Variants in CLCN7 observed in about 807,000 individuals in gnomAD.
CLCN7 encodes Cl-/H+ antiporter 7, also known as H(+)/Cl(-) exchange transporter 7.
Under a neutral mutation model 102.1 loss-of-function variants are expected in CLCN7, and 60 were observed. That is an observed-to-expected ratio of 0.59 (90% confidence interval 0.48 to 0.73). The LOEUF (loss-of-function observed/expected upper bound fraction) is 0.73, where lower values mean the gene tolerates loss of function less well. Among genes scored for constraint, CLCN7 ranks in the 30% least tolerant of loss-of-function variants. The pLI is 0.00. For synonymous variants in CLCN7, 560 were observed against 490.5 expected, an observed-to-expected ratio of 1.14 and a Z score of -1.87; for missense variants, 962 against 1,125.7, an observed-to-expected ratio of 0.85 and a Z score of 2.08.
intron 1 of CLCN7, chr16:1,466,698 A>C (rs1290683858): frequency 6.6e-6 from 1 of 152,158 alleles, no homozygotes; most frequent in Non-Finnish European, 1.5e-5. Context: ...CATGCCTGTA[A>C]TCCCAGCACT....
In CLCN7 at chr16:1,474,916, G is replaced by A; in HGVS notation, c.59C>T (p.Ala20Val). The A allele has an allele frequency of 6.8e-7, 1 of 1,470,888 alleles. No individual in the cohort carries two copies. The highest frequency in any genetic ancestry group is 1.3e-5 in the South Asian group (1 of 77,600). 91.1% of individuals were successfully genotyped at this position (1,470,888 alleles called of 1,614,324 possible). A position where few individuals can be genotyped will look rare whatever the true frequency, so the allele number is the denominator to read the frequency against. Residue 20 changes from alanine (A) to valine (V), a missense_variant, in exon 1 of 25, where the codon GCG becomes GTG. By Grantham distance (64) the Ala-to-Val change is moderately conservative. Coordinates refer to ENST00000382745, the MANE Select transcript of CLCN7 (RefSeq NM_001287.6). ...CGCCGTCCTCCGCAGCAGCGGCGCC[G>A]CCTCCTCGTCGTCCCGGTCCCGGCC... ...WSGRDRDDEE[A>V]APLLRRTARP...
intron 9 of CLCN7, among the ~76,000 whole-genome samples, chr16:1,456,707 G>A (rs1380016087): frequency 6.6e-6 from 1 of 152,096 alleles, no homozygotes; most frequent in Non-Finnish European, 1.5e-5. Context: ...CAGGCGTGGT[G>A]GCGGGCACCT....
intron 9 of CLCN7, 65 bp from the exon 10 acceptor site, chr16:1,456,271 G>GA: frequency 8.2e-7 from 1 of 1,217,708 alleles, no homozygotes; most frequent in Non-Finnish European, 1.2e-6. Flanking sequence ...GAAAGGGAGA[G>GA]CAACTGCCAG....
intron 1 of CLCN7, among the ~76,000 whole-genome samples, chr16:1,470,215 T>G (rs941235318): frequency 1.3e-5 from 2 of 152,212 alleles, no homozygotes; most frequent in Non-Finnish European, 2.9e-5. Context: ...CAGGCTGGTC[T>G]CTAAGTCCTG....
intron 2 of CLCN7, among the ~76,000 whole-genome samples, chr16:1,462,607 C>T (rs1185854854): frequency 1.4e-5 from 2 of 146,480 alleles, no homozygotes; most frequent in Non-Finnish European, 3.0e-5. Flanking sequence ...AACTCTTGGC[C>T]TCAAGTGATC....
chr16:1,455,015 C>A, intron 12 of CLCN7, 119 bp downstream of exon 12: 1 of 741,680 alleles, frequency 1.3e-6, no homozygotes, highest in South Asian at 1.5e-5. Context: ...CAAGAGCTCT[C>A]AGCTCCACAG....
Position 1,474,932 on chromosome 16 carries a change from G to T in CLCN7, c.43C>A (p.Arg15=), listed in dbSNP as rs1596234094. ...AGCGGCGCCGCCTCCTCGTCGTCCCGGTCCCGGCCGGACCAGGACACCTTC... is the reference window on the plus strand; with the variant it reads ...AGCGGCGCCGCCTCCTCGTCGTCCCTGTCCCGGCCGGACCAGGACACCTTC... The part of the protein sequence containing the change: ...SKKVSWSGRD[R]DDEEAAPLLR... The change falls in exon 1 of 25, where the codon CGG becomes AGG. Residue 15 remains arginine (R), a synonymous_variant. Coordinates refer to ENST00000382745, the MANE Select transcript of CLCN7 (RefSeq NM_001287.6). The T allele has an allele frequency of 6.8e-7, 1 of 1,480,880 alleles. No individual in the cohort carries two copies. Among genetic ancestry groups the T allele is most frequent in the East Asian group, 2.9e-5 (1 of 34,084 alleles). 91.7% of individuals were successfully genotyped at this position (1,480,880 alleles called of 1,614,324 possible).
intron 1 of CLCN7, 67 bp downstream of exon 1, chr16:1,474,767 C>A: frequency 8.4e-7 from 1 of 1,185,228 alleles, no homozygotes; most frequent in Non-Finnish European, 1.0e-6. Flanking sequence ...CCAGAAGGCT[C>A]ACGAGGGCGC....
In CLCN7 at chr16:1,449,107, C is replaced by G. The variant is rs1158035180; in HGVS notation, c.1670-14G>C. 2.5e-6 allele frequency: 4 copies of G among 1,612,650 alleles called. No homozygotes were observed. Among genetic ancestry groups the G allele is most frequent in the African/African-American group, 1.3e-5 (1 of 74,928 alleles). ...GCACAATCCCGCCTGCGGGAGCCAT[C>G]ATGAACCCCAGCACGTCCACCCTCC... On this transcript the variant is annotated splice_polypyrimidine_tract_variant and intron_variant, in intron 18 of 24. Coordinates refer to ENST00000382745, the MANE Select transcript of CLCN7 (RefSeq NM_001287.6).
intron 13 of CLCN7, 22 bp downstream of exon 13, chr16:1,454,389 C>A (rs367743608): frequency 1.2e-6 from 2 of 1,611,444 alleles, no homozygotes; most frequent in Non-Finnish European, 1.7e-6. Context: ...GCCGTCCCTG[C>A]GGTGCTGGGA....
At chr16:1,474,084 C>CAA (rs55927314) in intron 1 of CLCN7, 7,890 of 402,678 alleles carry the variant, frequency 0.02, 22 homozygotes, top group East Asian at 0.032. Context: ...AACTCCGTCT[C>CAA]AAAAAAAAAA....
At chr16:1,461,044 T>C in intron 4 of CLCN7, 96 bp from the exon 5 acceptor site, 4 of 1,481,578 alleles carry the variant, frequency 2.7e-6, no homozygotes, top group Non-Finnish European at 3.7e-6. Flanking sequence ...GCCCCGGGAT[T>C]ATGAAGGGCC....
rs1320338284 is a variant in CLCN7 at position 1,459,028 on chromosome 16, C to T, written c.675+79G>A. On this transcript the variant is annotated intron_variant, in intron 7 of 24. Transcript: ENST00000382745. ...GGTGGCTGAGGCCAGTTCTGGAAGG[C>T]AGGCAGCCAAGAGAGCTGCTCCTGA... The T allele has an allele frequency of 5.6e-6, 7 of 1,239,106 alleles. No individual in the cohort carries two copies. The African/African-American group carries it at 8.9e-5, about 16-fold the overall frequency. 76.8% of individuals were successfully genotyped at this position (1,239,106 alleles called of 1,614,324 possible).
chr16:1,458,606 A>T (rs1263215873), intron 7 of CLCN7, among the ~76,000 whole-genome samples: 2 of 152,198 alleles, frequency 1.3e-5, no homozygotes, highest in African/African-American at 4.8e-5. Context: ...CCATCCTCAG[A>T]CGGGACGGGG....
At chr16:1,461,491 G>C in intron 3 of CLCN7, 21 bp from the exon 4 acceptor site, 1 of 1,593,092 alleles carries the variant, frequency 6.3e-7, no homozygotes, top group Non-Finnish European at 8.5e-7. Context: ...GGACAGCAAG[G>C]GCAGCACTCA....
Position 1,446,265 on chromosome 16 carries a change from C to T in CLCN7, c.*366G>A, listed in dbSNP as rs1013357824. The T allele has an allele frequency of 2.9e-6, 2 of 688,224 alleles. No individual in the cohort carries two copies. Among genetic ancestry groups the T allele is most frequent in the East Asian group, 5.4e-5 (2 of 37,256 alleles). 42.6% of individuals were successfully genotyped at this position (688,224 alleles called of 1,614,324 possible). ...CTCGGGGCAGCAGCAGGGGCAAGGG[C>T]TCTGTCTCACGCACACGGGCACAGG... On this transcript the variant is annotated 3_prime_UTR_variant, in exon 25 of 25. Transcript: ENST00000382745.
chr16:1,473,492 G>T (rs2039106976), intron 1 of CLCN7, among the ~76,000 whole-genome samples: 1 of 144,274 alleles, frequency 6.9e-6, no homozygotes, highest in South Asian at 2.2e-4. Context: ...TCCTGCCTCA[G>T]CCTCCCGAGT....
At chr16:1,458,419 G>GT (rs1190066070) in intron 7 of CLCN7, among the ~76,000 whole-genome samples, 3 of 152,260 alleles carry the variant, frequency 2.0e-5, no homozygotes, top group Non-Finnish European at 4.4e-5. Flanking sequence ...CCTGGCGCGG[G>GT]TGACAGGCGG....
intron 15 of CLCN7, chr16:1,452,535 G>A (rs987347890): frequency 1.4e-5 from 8 of 587,620 alleles, no homozygotes; most frequent in Non-Finnish European, 2.4e-5. Context: ...GGGAGCCTCT[G>A]GCCCCCATAC....
Sources: allele counts gnomAD v4.1 joint callset (sites outside exome capture counted in the v4.1 genomes callset), GRCh38; gene constraint gnomAD v4.1.1; transcripts MANE v1.5; gene names NCBI Gene and HGNC (gene_info 2026-07-23, HGNC 2026-07-21).